The following ARHGAP19 variants were observed in gnomAD, a reference collection of about 807,000 sequenced individuals.
ARHGAP19 encodes the protein Rho GTPase activating protein 19.
A neutral mutation model predicts 60.9 loss-of-function variants in ARHGAP19; 48 were observed. The observed-to-expected ratio is 0.79, with a 90% CI of 0.62 to 1.00. ARHGAP19 has a LOEUF of 1.00. ARHGAP19 is among the 50% of genes least tolerant of loss of function. The pLI, the probability that ARHGAP19 is intolerant of heterozygous loss-of-function variation, is 0.00. For missense variants in ARHGAP19, 562 were observed against 597.2 expected (o/e 0.94, Z 0.61); for synonymous variants, 209 against 215.5 (o/e 0.97, Z 0.27).
At chr10:97,290,094 C>T (rs1170664703) in intron 1 of ARHGAP19, among the ~76,000 whole-genome samples, 1 of 152,048 alleles carries the variant, frequency 6.6e-6, no homozygotes, top group Non-Finnish European at 1.5e-5. Flanking sequence ...AAAACTCGGG[C>T]AACCCCCTTT....
At chr10:97,286,119 C>T (rs10882888) in intron 1 of ARHGAP19, among the ~76,000 whole-genome samples, 43,972 of 152,116 alleles carry the variant, frequency 0.29, 6,884 homozygotes, top group Middle Eastern at 0.37. Context: ...GAAATCTACT[C>T]CTCATTACCC....
At chr10:97,265,140 C>G (rs1348885528) in intron 2 of ARHGAP19, among the ~76,000 whole-genome samples, 1 of 152,114 alleles carries the variant, frequency 6.6e-6, no homozygotes, top group Non-Finnish European at 1.5e-5. Context: ...AGACCATCTT[C>G]TTATTCAAGT....
chr10:97,261,478 C>T (rs11189076), intron 4 of ARHGAP19, among the ~76,000 whole-genome samples: 6,498 of 152,136 alleles, frequency 0.043, 207 homozygotes, highest in Non-Finnish European at 0.061. Flanking sequence ...GGAAAGCAAA[C>T]AAAACAAGCA....
At chr10:97,235,593 A>T (rs1239593693) in intron 8 of ARHGAP19, among the ~76,000 whole-genome samples, 1 of 152,168 alleles carries the variant, frequency 6.6e-6, no homozygotes, top group Non-Finnish European at 1.5e-5. Context: ...GAGCTTATGA[A>T]ATTTATCCAC....
intron 1 of ARHGAP19, among the ~76,000 whole-genome samples, chr10:97,268,590 C>G (rs980401990): frequency 6.6e-6 from 1 of 152,050 alleles, no homozygotes; most frequent in Non-Finnish European, 1.5e-5. Context: ...TGCTGGAAGG[C>G]GAAGGGGGAA....
chr10:97,280,338 G>A lies in ARHGAP19; in HGVS notation c.56+12234C>T, dbSNP rs187546267. Among the ~76,000 whole-genome samples the A allele has an allele frequency of 4.5e-3, 674 of 150,942 alleles. 6 individuals are homozygous for A. Among genetic ancestry groups the A allele is most frequent in the South Asian group, 0.02 (96 of 4,754 alleles). ...GAAGGAGAATCACTTGAACCCGGGA[G>A]GCAGAGGTTGCAGTGAGCCGAGATC... is the stretch of plus-strand genomic sequence containing the variant. On this transcript the variant is annotated intron_variant, in intron 1 of 11. Coordinates refer to ENST00000358531, the MANE Select transcript of ARHGAP19 (RefSeq NM_032900.6).
At chr10:97,273,769 A>C (rs1434534121) in intron 1 of ARHGAP19, among the ~76,000 whole-genome samples, 1 of 152,116 alleles carries the variant, frequency 6.6e-6, no homozygotes, top group Non-Finnish European at 1.5e-5. Context: ...GATTACAGGC[A>C]TGAGCCACCA....
intron 1 of ARHGAP19, among the ~76,000 whole-genome samples, chr10:97,273,982 C>T (rs1262049339): frequency 7.2e-6 from 1 of 139,378 alleles, no homozygotes; most frequent in Non-Finnish European, 1.6e-5. Context: ...CACACACAAA[C>T]ACACACACAC....
intron 1 of ARHGAP19, among the ~76,000 whole-genome samples, chr10:97,285,790 G>A (rs185296715): frequency 2.0e-5 from 3 of 152,284 alleles, no homozygotes; most frequent in Non-Finnish European, 2.9e-5. Flanking sequence ...AAAGTGCTGC[G>A]ATTACAGGCG....
chr10:97,282,284 C>T (rs1332826310), intron 1 of ARHGAP19, among the ~76,000 whole-genome samples: 1 of 152,176 alleles, frequency 6.6e-6, no homozygotes, highest in Non-Finnish European at 1.5e-5. Context: ...AAGACTGACA[C>T]CGTTGGTGGC....
intron 9 of ARHGAP19, among the ~76,000 whole-genome samples, chr10:97,230,884 G>A (rs969289617): frequency 6.6e-6 from 1 of 151,932 alleles, no homozygotes; most frequent in African/African-American, 2.4e-5. Context: ...TGGCCAACAT[G>A]GTGAAATACT....
intron 1 of ARHGAP19, among the ~76,000 whole-genome samples, chr10:97,274,169 TGAAA>T (rs1842995490): frequency 6.6e-6 from 1 of 152,004 alleles, no homozygotes; most frequent in Non-Finnish European, 1.5e-5. Context: ...CATGAAGGTA[TGAAA>T]GAGTTCCTGA....
chr10:97,289,974 T>G (rs540293071), intron 1 of ARHGAP19, among the ~76,000 whole-genome samples: 3 of 152,188 alleles, frequency 2.0e-5, no homozygotes, highest in Admixed American at 6.5e-5. Context: ...AATTTAGAAA[T>G]TTTTAAAGAA....
chr10:97,260,360 T>C (rs1842814430), intron 4 of ARHGAP19, among the ~76,000 whole-genome samples: 1 of 150,802 alleles, frequency 6.6e-6, no homozygotes, highest in African/African-American at 2.4e-5. Context: ...GAAACCTGTC[T>C]CTACTAAAAA....
At chr10:97,277,793 A>G (rs888968320) in intron 1 of ARHGAP19, 1 of 152,240 alleles carries the variant, frequency 6.6e-6, no homozygotes, top group Non-Finnish European at 1.5e-5. Context: ...TCAATTCCAC[A>G]GTGACACATA....
At chr10:97,251,286 A>G (rs1218035823) in intron 6 of ARHGAP19, among the ~76,000 whole-genome samples, 1 of 12,592 alleles carries the variant, frequency 7.9e-5, no homozygotes, top group African/African-American at 3.0e-4. Context: ...GGAAGGGAAA[A>G]AGGAAGGGAA....
chr10:97,284,322 C>T (rs987586159), intron 1 of ARHGAP19, among the ~76,000 whole-genome samples: 1 of 152,042 alleles, frequency 6.6e-6, no homozygotes. Context: ...AGGGTTTCAC[C>T]ATGTTGGCCA....
chr10:97,259,893 TTAC>T (rs1842806396), intron 4 of ARHGAP19, among the ~76,000 whole-genome samples: 3 of 152,004 alleles, frequency 2.0e-5, no homozygotes, highest in African/African-American at 7.2e-5. Flanking sequence ...TGGAGTGCAG[TTAC>T]ACAATCTCAG....
chr10:97,255,394 T>C (rs1486933917), intron 6 of ARHGAP19, among the ~76,000 whole-genome samples: 2 of 151,892 alleles, frequency 1.3e-5, no homozygotes, highest in African/African-American at 4.8e-5. Context: ...GGGCAACACG[T>C]TGAAACCCTG....
Sources: allele counts gnomAD v4.1 joint callset (sites outside exome capture counted in the v4.1 genomes callset), GRCh38; gene constraint gnomAD v4.1.1; transcripts MANE v1.5; gene names NCBI Gene and HGNC (gene_info 2026-07-23, HGNC 2026-07-21).